MIPOL1: variants seen among roughly 807,000 people sequenced by gnomAD.
MIPOL1 encodes the protein mirror-image polydactyly 1.
In MIPOL1, 57 loss-of-function variants were observed where a neutral mutation model predicts 60.9. The observed-to-expected ratio is 0.94, with a 90% CI of 0.76 to 1.17. MIPOL1 has a LOEUF of 1.17. MIPOL1 is among the 50% of genes most tolerant of loss of function. The pLI, the probability that MIPOL1 is intolerant of heterozygous loss-of-function variation, is 0.00. For missense variants in MIPOL1, 551 were observed against 511.6 expected, an observed-to-expected ratio of 1.08 and a Z score of -0.74; for synonymous variants, 179 against 168.8, an observed-to-expected ratio of 1.06 and a Z score of -0.47.
chr14:37,423,009 C>G, intron 11 of MIPOL1, 60 bp downstream of exon 11: 1 of 1,068,898 alleles, frequency 9.4e-7, no homozygotes, highest in Middle Eastern at 2.0e-4. Context: ...ATGTTTCTAC[C>G]TGATTTTACA....
At position 37,549,846 on chromosome 14, in the gene MIPOL1, C is replaced by T. The variant is rs550806515; in HGVS notation, c.*2875C>T. Reference sequence around the variant, plus strand: ...TTGTGACAATTCATTGCTAATAAAACATAACATGAGTCTCTTTGTACTGTT... The same window carrying T: ...TTGTGACAATTCATTGCTAATAAAATATAACATGAGTCTCTTTGTACTGTT... On this transcript the variant is annotated 3_prime_UTR_variant, in exon 13 of 13. Coordinates refer to ENST00000684589, the MANE Select transcript of MIPOL1 (RefSeq NM_001388067.1). 3 of 152,024 alleles carry T rather than the reference C, an allele frequency of 2.0e-5. No individual in the cohort carries two copies. Among genetic ancestry groups the T allele is most frequent in the South Asian group, 2.1e-4 (1 of 4,822 alleles). 9.4% of individuals were successfully genotyped at this position (152,024 alleles called of 1,614,324 possible). A position where few individuals can be genotyped will look rare whatever the true frequency, so the allele number is the denominator to read the frequency against.
At chr14:37,305,682 T>C (rs565853985) in intron 7 of MIPOL1, among the ~76,000 whole-genome samples, 36 of 152,050 alleles carry the variant, frequency 2.4e-4, no homozygotes, top group African/African-American at 8.4e-4. Flanking sequence ...TATCAACTTT[T>C]TCTCTTTCCA....
In MIPOL1 at chr14:37,372,032, C is replaced by T. The variant is rs142343048; in HGVS notation, c.936+2408C>T. Among the ~76,000 whole-genome samples the T allele has an allele frequency of 1.7e-3, 263 of 152,118 alleles. 1 individual carries two copies. The highest frequency in any genetic ancestry group is 5.8e-3 in the African/African-American group (242 of 41,544). On this transcript the variant is annotated intron_variant, in intron 10 of 12. Coordinates refer to ENST00000684589, the MANE Select transcript of MIPOL1 (RefSeq NM_001388067.1). ...AGTGTCAGGAACAACTCTTTAAAAA[C>T]GATTCACTGTCTCTAAAGCTTTCAG...
At chr14:37,210,885 A>G (rs534995825) in intron 1 of MIPOL1, among the ~76,000 whole-genome samples, 151 of 152,304 alleles carry the variant, frequency 9.9e-4, no homozygotes, top group Non-Finnish European at 1.6e-3. Context: ...TTAGTTTTAC[A>G]AAAGTGGTGT....
chr14:37,314,384 G>A (rs2087659643), intron 9 of MIPOL1, among the ~76,000 whole-genome samples: 1 of 152,142 alleles, frequency 6.6e-6, no homozygotes, highest in Non-Finnish European at 1.5e-5. Context: ...CAAGCTGAAG[G>A]AGTAAACTAA....
rs182823806 is a variant in MIPOL1, at chr14:37,291,488, A to G, written c.623+6041A>G. ...TTCTCAACTTACTTCCTTAAGTTTTATATTTCTCTTTTCACTTTATTGTGT... is the reference window on the plus strand; with the variant it reads ...TTCTCAACTTACTTCCTTAAGTTTTGTATTTCTCTTTTCACTTTATTGTGT... On this transcript the variant is annotated intron_variant, in intron 7 of 12. Coordinates refer to ENST00000684589, the MANE Select transcript of MIPOL1 (RefSeq NM_001388067.1). 2.3e-3 allele frequency among the ~76,000 whole-genome samples: 352 copies of G among 152,038 alleles called. 2 individuals are homozygous for G. Among genetic ancestry groups the G allele is most frequent in the African/African-American group, 7.7e-3 (321 of 41,460 alleles).
chr14:37,333,545 A>C (rs1467368899), intron 9 of MIPOL1, among the ~76,000 whole-genome samples: 4 of 144,222 alleles, frequency 2.8e-5, no homozygotes, highest in African/African-American at 9.8e-5. Flanking sequence ...GCTGAAAGTG[A>C]AACGTGGAAA....
In MIPOL1 at chr14:37,547,096, C is replaced by A; in HGVS notation, c.*125C>A. ...TGTTAGAAGTGGGACACTCCAACCACATTCCAAGCTGAGATAAAATCAAAT... is the reference window on the plus strand; with the variant it reads ...TGTTAGAAGTGGGACACTCCAACCAAATTCCAAGCTGAGATAAAATCAAAT... On this transcript the variant is annotated 3_prime_UTR_variant, in exon 13 of 13. Coordinates refer to ENST00000684589, the MANE Select transcript of MIPOL1 (RefSeq NM_001388067.1). The A allele has an allele frequency of 1.4e-6, 1 of 709,664 alleles. No homozygotes were observed. The allele number at this position is 709,664 out of a possible 1,614,324, so 44.0% of individuals were successfully genotyped here. A position where few individuals can be genotyped will look rare whatever the true frequency, so the allele number is the denominator to read the frequency against.
chr14:37,230,067 G>T (rs1970378827), intron 1 of MIPOL1, among the ~76,000 whole-genome samples: 2 of 152,090 alleles, frequency 1.3e-5, no homozygotes, highest in South Asian at 4.1e-4. Context: ...AGTAGATTTT[G>T]TGTTTTCACC....
At chr14:37,464,104 A>T (rs189882781) in intron 11 of MIPOL1, among the ~76,000 whole-genome samples, 60 of 152,348 alleles carry the variant, frequency 3.9e-4, no homozygotes, top group African/African-American at 1.4e-3. Flanking sequence ...ATGTCAGAAA[A>T]CAAAGATGGT....
intron 10 of MIPOL1, among the ~76,000 whole-genome samples, chr14:37,406,711 G>T (rs1209268117): frequency 6.6e-6 from 1 of 152,058 alleles, no homozygotes; most frequent in East Asian, 1.9e-4. Context: ...ATGACCTCAA[G>T]AACAGTTGGC....
In MIPOL1 at chr14:37,265,779, GCAA is replaced by G. The variant is rs2082831901; in HGVS notation, c.20-1156_20-1154del. Reference sequence around the variant, plus strand: ...ACCCAGGAGTTTGAGGCCAGCCTGGGCAACACTGCAAGATCCTGACCTAAAACA... The same window carrying G: ...ACCCAGGAGTTTGAGGCCAGCCTGGGCACTGCAAGATCCTGACCTAAAACA... On this transcript the variant is annotated intron_variant, in intron 3 of 12. Transcript: ENST00000684589. Among the ~76,000 whole-genome samples the G allele has an allele frequency of 2.6e-5, 4 of 152,148 alleles. No homozygotes were observed. The South Asian group carries it at 8.3e-4, about 32-fold the overall frequency.
At chr14:37,552,044 G>A (rs2095562660), downstream of MIPOL1, 2 of 151,972 alleles carry the variant, frequency 1.3e-5, no homozygotes, top group South Asian at 4.1e-4. Flanking sequence ...ATCATGATAA[G>A]GTAAATGTAA....
intron 9 of MIPOL1, among the ~76,000 whole-genome samples, chr14:37,327,017 G>A (rs2153451067): frequency 6.6e-6 from 1 of 152,300 alleles, no homozygotes; most frequent in East Asian, 1.9e-4. Flanking sequence ...CAAAGACTTA[G>A]AGGAGGCAGG....
At chr14:37,377,746 C>CTTTT (rs370238755) in intron 10 of MIPOL1, among the ~76,000 whole-genome samples, 18 of 120,954 alleles carry the variant, frequency 1.5e-4, no homozygotes, top group South Asian at 5.5e-4. Context: ...ATTTTTATGC[C>CTTTT]TTTTTTTTTT....
chr14:37,459,663 G>T (rs1302314933), intron 11 of MIPOL1, among the ~76,000 whole-genome samples: 1 of 152,062 alleles, frequency 6.6e-6, no homozygotes, highest in African/African-American at 2.4e-5. Flanking sequence ...TCCCTAACCC[G>T]TTCTATGAAA....
At chr14:37,539,741 A>T (rs965139200) in intron 12 of MIPOL1, among the ~76,000 whole-genome samples, 1 of 152,224 alleles carries the variant, frequency 6.6e-6, no homozygotes, top group Non-Finnish European at 1.5e-5. Context: ...GTGTATGCAG[A>T]TAGGTAGAAG....
chr14:37,286,934 A>G (rs1232261518), intron 7 of MIPOL1, among the ~76,000 whole-genome samples: 2 of 152,178 alleles, frequency 1.3e-5, no homozygotes, highest in Admixed American at 6.5e-5. Context: ...AGGTAGCCAT[A>G]AATTAATTGG....
intron 11 of MIPOL1, among the ~76,000 whole-genome samples, chr14:37,455,391 C>T (rs2094466028): frequency 6.6e-6 from 1 of 152,102 alleles, no homozygotes; most frequent in Non-Finnish European, 1.5e-5. Context: ...TCTTGACTGC[C>T]ATTTACCTTA....
Sources: allele counts gnomAD v4.1 joint callset (sites outside exome capture counted in the v4.1 genomes callset), GRCh38; gene constraint gnomAD v4.1.1; transcripts MANE v1.5; gene names NCBI Gene and HGNC (gene_info 2026-07-23, HGNC 2026-07-21).